Variants in MAGI3 observed in about 807,000 individuals in gnomAD.
MAGI3 encodes membrane associated guanylate kinase, WW and PDZ domain containing 3, also known as membrane-associated guanylate kinase, WW and PDZ domain-containing protein 3.
A neutral mutation model predicts 121.8 loss-of-function variants in MAGI3; 43 were observed. The ratio of observed to expected loss-of-function variants is 0.35; its 90% CI spans 0.28 to 0.46. The LOEUF (loss-of-function observed/expected upper bound fraction) is 0.46. Among genes scored for constraint, MAGI3 ranks in the 20% least tolerant of loss-of-function variants. The pLI is 1.00. For synonymous variants in MAGI3, 553 were observed against 639.3 expected, an observed-to-expected ratio of 0.86 and a Z score of 2.04; for missense variants, 1,547 against 1,797.3, an observed-to-expected ratio of 0.86 and a Z score of 2.52.
At chr1:113,429,844 C>G (rs1653211191) in intron 1 of MAGI3, among the ~76,000 whole-genome samples, 1 of 152,072 alleles carries the variant, frequency 6.6e-6, no homozygotes, top group South Asian at 2.1e-4. Flanking sequence ...TAATTCAGTT[C>G]TGGGAAGTCA....
intron 4 of MAGI3, among the ~76,000 whole-genome samples, chr1:113,585,934 T>C (rs1648339708): frequency 6.6e-6 from 1 of 152,208 alleles, no homozygotes; most frequent in Non-Finnish European, 1.5e-5. Context: ...GTAAACAATA[T>C]ATGGATGTTT....
intron 1 of MAGI3, among the ~76,000 whole-genome samples, chr1:113,477,950 T>C (rs1260267940): frequency 2.0e-5 from 3 of 152,184 alleles, no homozygotes; most frequent in Non-Finnish European, 4.4e-5. Flanking sequence ...TTCTCTAACT[T>C]TGTTTTCTTG....
intron 1 of MAGI3, among the ~76,000 whole-genome samples, chr1:113,486,063 A>G (rs754599709): frequency 3.3e-5 from 5 of 152,114 alleles, no homozygotes; most frequent in East Asian, 1.9e-4. Flanking sequence ...TTTAATGACT[A>G]TGGCCTTATA....
chr1:113,434,638 G>T (rs1449255744), intron 1 of MAGI3, among the ~76,000 whole-genome samples: 1 of 152,166 alleles, frequency 6.6e-6, no homozygotes, highest in Non-Finnish European at 1.5e-5. Flanking sequence ...ATAACACACT[G>T]TATTATAACA....
intron 1 of MAGI3, among the ~76,000 whole-genome samples, chr1:113,542,966 T>C (rs1659359683): frequency 6.6e-6 from 1 of 152,116 alleles, no homozygotes; most frequent in Non-Finnish European, 1.5e-5. Context: ...ACCTATAAAA[T>C]GGGAATAATA....
At chr1:113,638,045 C>T (rs909982864) in intron 9 of MAGI3, among the ~76,000 whole-genome samples, 3 of 152,204 alleles carry the variant, frequency 2.0e-5, no homozygotes, top group South Asian at 2.1e-4. Flanking sequence ...TTCTGCATTC[C>T]TCACGTAGTT....
chr1:113,603,707 G>T (rs1243555127), intron 6 of MAGI3, among the ~76,000 whole-genome samples: 5 of 152,070 alleles, frequency 3.3e-5, no homozygotes, highest in African/African-American at 1.2e-4. Context: ...TTCAGAATGG[G>T]AGAACATATT....
At chr1:113,503,309 G>GAAAAAAAAAA (rs59331456) in intron 1 of MAGI3, among the ~76,000 whole-genome samples, 1 of 36,130 alleles carries the variant, frequency 2.8e-5, no homozygotes, top group Non-Finnish European at 4.9e-5. Flanking sequence ...CCTGTCTCAG[G>GAAAAAAAAAA]AAAAAAAAAA....
In MAGI3 at chr1:113,557,084, C is replaced by T. The variant is rs1047403593; in HGVS notation, c.433+7453C>T. 5.9e-5 allele frequency among the ~76,000 whole-genome samples: 9 copies of T among 152,200 alleles called. No individual in the cohort carries two copies. The East Asian group carries it at 9.6e-4, about 16-fold the overall frequency. On this transcript the variant is annotated intron_variant, in intron 2 of 20. Coordinates refer to ENST00000307546, the MANE Select transcript of MAGI3 (RefSeq NM_001142782.2). ...GTAGGCACCATCTCTGCTGTTTGGT[C>T]GACTCAGCCATTCCAGCCTGCGGGC...
Position 113,411,731 on chromosome 1 carries a change from T to C in MAGI3, c.316+20382T>C, listed in dbSNP as rs79215952. ...AATTAATTTTTTGGTTTTTTTTTTTTCTATAAAAGTGAACTTGGAGACCAG... is the reference window on the plus strand; with the variant it reads ...AATTAATTTTTTGGTTTTTTTTTTTCCTATAAAAGTGAACTTGGAGACCAG... On this transcript the variant is annotated intron_variant, in intron 1 of 20. Coordinates refer to ENST00000307546, the MANE Select transcript of MAGI3 (RefSeq NM_001142782.2). Among the ~76,000 whole-genome samples the C allele has an allele frequency of 4.6e-4, 70 of 151,990 alleles. No individual in the cohort carries two copies. In the East Asian group the frequency reaches 0.012, roughly 26 times the overall value.
At chr1:113,616,460 A>G (rs1035100700) in intron 7 of MAGI3, among the ~76,000 whole-genome samples, 4 of 151,988 alleles carry the variant, frequency 2.6e-5, no homozygotes, top group African/African-American at 9.7e-5. Flanking sequence ...TTGAATGGCT[A>G]CTCTTTGGCT....
At chr1:113,660,766 A>ATTTTTTTTT (rs33956607) in intron 16 of MAGI3, among the ~76,000 whole-genome samples, 4 of 122,966 alleles carry the variant, frequency 3.3e-5, no homozygotes, top group African/African-American at 6.2e-5. Context: ...ATAATTTTTA[A>ATTTTTTTTT]TTTTTTTTTT....
Position 113,391,421 on chromosome 1 carries a change from C to T in MAGI3, c.316+72C>T. 6.8e-7 allele frequency: 1 copy of T among 1,476,752 alleles called. No homozygotes were observed. Among genetic ancestry groups the T allele is most frequent in the Non-Finnish European group, 9.2e-7 (1 of 1,084,186 alleles). The allele number at this position is 1,476,752 out of a possible 1,614,324, so 91.5% of individuals were successfully genotyped here. Reference sequence around the variant, plus strand: ...TTCAGGGTGGGCGTCCTGGGAGCGGCGGCACCTCCCCACCGCGTATTGTCC... The same window carrying T: ...TTCAGGGTGGGCGTCCTGGGAGCGGTGGCACCTCCCCACCGCGTATTGTCC... On this transcript the variant is annotated intron_variant, in intron 1 of 20. Transcript: ENST00000307546. This position sits in a 1 kb window ranked among gnomAD's most constrained non-coding sequence, Gnocchi z 4.4.
intron 1 of MAGI3, among the ~76,000 whole-genome samples, chr1:113,527,970 A>G (rs1658529585): frequency 6.6e-6 from 1 of 152,168 alleles, no homozygotes; most frequent in Non-Finnish European, 1.5e-5. Flanking sequence ...ATCTATAAGT[A>G]TGTGTGTGTA....
chr1:113,397,103 A>G (rs1651154196), intron 1 of MAGI3, among the ~76,000 whole-genome samples: 1 of 152,190 alleles, frequency 6.6e-6, no homozygotes, highest in Non-Finnish European at 1.5e-5. Context: ...GATGAGTCCA[A>G]ATGCCACTTT....
intron 5 of MAGI3, among the ~76,000 whole-genome samples, chr1:113,593,414 A>G (rs1470031220): frequency 6.6e-6 from 1 of 152,052 alleles, no homozygotes; most frequent in Non-Finnish European, 1.5e-5. Context: ...ATGGTGGCAC[A>G]CGCCTGTAGT....
At chr1:113,464,906 T>G (rs1655201615) in intron 1 of MAGI3, among the ~76,000 whole-genome samples, 2 of 152,208 alleles carry the variant, frequency 1.3e-5, no homozygotes, top group South Asian at 4.1e-4. Flanking sequence ...TAATCCCTTG[T>G]CATATGGATA....
At chr1:113,395,077 CTTT>C in intron 1 of MAGI3, among the ~76,000 whole-genome samples, 1 of 50,284 alleles carries the variant, frequency 2.0e-5, no homozygotes, top group African/African-American at 6.8e-5. Context: ...TCTCTTGAAT[CTTT>C]TTGTTAGTTT....
At chr1:113,555,869 G>T (rs1207533205) in intron 2 of MAGI3, among the ~76,000 whole-genome samples, 7 of 152,134 alleles carry the variant, frequency 4.6e-5, no homozygotes, top group Non-Finnish European at 8.8e-5. Flanking sequence ...TGTCAGGAAT[G>T]AGACCCTGTC....
Sources: allele counts gnomAD v4.1 joint callset (sites outside exome capture counted in the v4.1 genomes callset), GRCh38; gene constraint gnomAD v4.1.1; non-coding constraint Gnocchi (gnomAD v3.1); transcripts MANE v1.5; gene names NCBI Gene and HGNC (gene_info 2026-07-23, HGNC 2026-07-21).